The following SYNE2 variants were observed in gnomAD, a reference collection of about 807,000 sequenced individuals.
The protein encoded by SYNE2 is spectrin repeat containing nuclear envelope protein 2.
In SYNE2, 431 loss-of-function variants were observed where a neutral mutation model predicts 856.3. The ratio of observed to expected loss-of-function variants is 0.50; its 90% confidence interval spans 0.47 to 0.55. The LOEUF is 0.55. Ranked by LOEUF, SYNE2 falls within the 20% of genes least tolerant of loss-of-function variation. The pLI is 0.00. For missense variants in SYNE2, 8,129 were observed against 8,023.2 expected, an observed-to-expected ratio of 1.01 and a Z score of -0.50; for synonymous variants, 2,923 against 2,872.3, an observed-to-expected ratio of 1.02 and a Z score of -0.56.
rs759117056 is a variant in SYNE2, at chr14:64,052,911, A to G, written c.8998A>G (p.Lys3000Glu). Reference sequence around the variant, plus strand: ...TAAGTGTTGCATCTTACAGGTATTGAAACTTAAAAAAGTGTTTGACTATAT... The same window carrying G: ...TAAGTGTTGCATCTTACAGGTATTGGAACTTAAAAAAGTGTTTGACTATAT... The part of the protein sequence containing the change: ...AIKCCILQVL[K>E]LKKVFDYIGL... Residue 3000 changes from lysine to glutamate, a missense_variant, in exon 48 of 116, where the codon AAA becomes GAA. Physicochemically the swap from Lys to Glu is moderately conservative, Grantham distance 56. Transcript: ENST00000555002. The G allele has an allele frequency of 2.5e-6, 4 of 1,613,268 alleles. No homozygotes were observed. Among genetic ancestry groups the G allele is most frequent in the South Asian group, 1.1e-5 (1 of 90,642 alleles).
chr14:64,055,888 C>T, intron 48 of SYNE2, 56 bp from the exon 49 acceptor site: 2 of 1,413,300 alleles, frequency 1.4e-6, no homozygotes, highest in Non-Finnish European at 2.0e-6. Context: ...TTAAGAATGA[C>T]AGGAATTCCA....
Position 63,995,187 on chromosome 14 carries a change from C to T in SYNE2, c.2925C>T (p.Leu975=), listed in dbSNP as rs768605641. 2 of 1,606,948 alleles carry T rather than the reference C, an allele frequency of 1.2e-6. No individual in the cohort carries two copies. Among genetic ancestry groups the T allele is most frequent in the Admixed American group, 3.4e-5 (2 of 59,552 alleles). Residue 975 remains leucine, a synonymous_variant, in exon 23 of 116, where the codon CTC becomes CTT. Transcript: ENST00000555002. The part of the protein sequence containing the change: ...KLIRRGRTKG[L]IKEHEACFSE... The stretch of plus-strand genomic sequence containing the variant: ...TCCGTAGAGGAAGGACCAAGGGTCT[C>T]ATCAAAGAACATGAGGTACAATAAA...
chr14:63,955,246 G>C (rs2096226944), intron 8 of SYNE2, among the ~76,000 whole-genome samples: 1 of 152,018 alleles, frequency 6.6e-6, no homozygotes, highest in Non-Finnish European at 1.5e-5. Flanking sequence ...GTTTCTCTGA[G>C]TCTTGAATTA....
chr14:64,215,984 C>T (rs964132827), intron 107 of SYNE2: 19 of 1,402,844 alleles, frequency 1.4e-5, no homozygotes, highest in African/African-American at 7.2e-5. Context: ...CCCTACCACT[C>T]GAGACCCTGG....
chr14:64,141,237 C>G (rs113259397), intron 80 of SYNE2, 104 bp from the exon 81 acceptor site: 3 of 881,622 alleles, frequency 3.4e-6, no homozygotes, highest in Non-Finnish European at 3.5e-6. Context: ...TATACACATT[C>G]GTATATTTAC....
chr14:64,190,747 C>T, intron 99 of SYNE2: 1 of 660,030 alleles, frequency 1.5e-6, no homozygotes, highest in Non-Finnish European at 2.7e-6. Context: ...GGTGTCTTGT[C>T]CTAGGATGTG....
intron 14 of SYNE2, among the ~76,000 whole-genome samples, 164 bp downstream of exon 14, chr14:63,979,178 G>A (rs1202709233): frequency 6.6e-6 from 1 of 152,172 alleles, no homozygotes; most frequent in Non-Finnish European, 1.5e-5. Flanking sequence ...ATTACAGGGA[G>A]TCAACCAGCA....
chr14:63,828,678 C>T (rs1330760560), intron 1 of SYNE2, among the ~76,000 whole-genome samples: 1 of 151,864 alleles, frequency 6.6e-6, no homozygotes, highest in Non-Finnish European at 1.5e-5. Context: ...TTGCAGTGAG[C>T]CAAGATCATG....
chr14:63,948,720 G>GTC (rs2096078988), intron 6 of SYNE2, among the ~76,000 whole-genome samples: 1 of 70,144 alleles, frequency 1.4e-5, no homozygotes, highest in East Asian at 3.5e-4. Flanking sequence ...ATATATATGT[G>GTC]TGTATATATA....
At chr14:63,942,215 T>A in intron 6 of SYNE2, 72 bp downstream of exon 6, 1 of 923,626 alleles carries the variant, frequency 1.1e-6, no homozygotes, top group Non-Finnish European at 1.7e-6. Flanking sequence ...GCAATAAGTG[T>A]GAGTGGACTA....
intron 43 of SYNE2, among the ~76,000 whole-genome samples, chr14:64,028,156 T>C (rs2096996557): frequency 6.6e-6 from 1 of 151,918 alleles, no homozygotes; most frequent in Non-Finnish European, 1.5e-5. Flanking sequence ...CCTCCCGCCT[T>C]GGCCTCCCAA....
chr14:63,894,457 G>A (rs2095210691), intron 1 of SYNE2, among the ~76,000 whole-genome samples: 1 of 152,146 alleles, frequency 6.6e-6, no homozygotes, highest in East Asian at 1.9e-4. Flanking sequence ...CCTGGCCTCA[G>A]GGGATCCTCC....
At position 64,113,408 on chromosome 14, in the gene SYNE2, G is replaced by C. The variant is rs1438891943; in HGVS notation, c.12677G>C (p.Arg4226Thr). The change falls in exon 66 of 116, where the codon AGG becomes ACG. Residue 4226 changes from arginine to threonine, a missense_variant. Physicochemically the swap from Arg to Thr is moderately conservative, Grantham distance 71. This residue lies in a region of SYNE2 where 5,410 missense variants were observed against 5,284.8 expected (regional missense o/e 1.02). Transcript: ENST00000555002. ...GACGCGCAAGGAGGTTTGGAGCCCA[G>C]GGTGGAGAAAACTAGGCCGGAGCCC... is the stretch of plus-strand genomic sequence containing the variant. ...SSDAQGGLEP[R>T]VEKTRPEPTE... 1 of 1,614,184 alleles carries C rather than the reference G, an allele frequency of 6.2e-7. No individual in the cohort carries two copies. Among genetic ancestry groups the C allele is most frequent in the Middle Eastern group, 1.7e-4 (1 of 6,052 alleles).
At chr14:64,160,725 G>A (rs888408951) in intron 87 of SYNE2, among the ~76,000 whole-genome samples, 23 of 152,262 alleles carry the variant, frequency 1.5e-4, no homozygotes, top group African/African-American at 5.3e-4. Context: ...CTTTCAGAAA[G>A]GAGATTGACC....
At chr14:63,971,782 G>C (rs1391406248) in intron 11 of SYNE2, among the ~76,000 whole-genome samples, 3 of 151,780 alleles carry the variant, frequency 2.0e-5, no homozygotes, top group Admixed American at 6.6e-5. Context: ...AATTCACCTA[G>C]TTTTCTTTGA....
chr14:63,933,836 A>G (rs2095796263), intron 2 of SYNE2, among the ~76,000 whole-genome samples: 1 of 152,210 alleles, frequency 6.6e-6, no homozygotes, highest in Non-Finnish European at 1.5e-5. Flanking sequence ...AGTTGCTATA[A>G]GCACGTGGCT....
chr14:63,914,834 G>A (rs1300592083), intron 2 of SYNE2, among the ~76,000 whole-genome samples: 2 of 152,208 alleles, frequency 1.3e-5, no homozygotes, highest in African/African-American at 4.8e-5. Flanking sequence ...CTGGAGTGCA[G>A]TGGTGCGATC....
At chr14:64,209,674 C>T in intron 102 of SYNE2, 96 bp downstream of exon 102, 1 of 1,549,982 alleles carries the variant, frequency 6.5e-7, no homozygotes, top group Admixed American at 1.8e-5. Context: ...GCCAGCTTCC[C>T]CTCACCTCTG....
rs1595014495 is a variant in SYNE2 at position 64,034,657 on chromosome 14, C to T, written c.7221+3300C>T. ...TAATATTGGAAATGTTCAGGCAGACCTAGAAACAAAAGAAGTTGCAAAATT... is the reference window on the plus strand; with the variant it reads ...TAATATTGGAAATGTTCAGGCAGACTTAGAAACAAAAGAAGTTGCAAAATT... On this transcript the variant is annotated intron_variant, in intron 45 of 115. Coordinates refer to ENST00000555002, the MANE Select transcript of SYNE2 (RefSeq NM_182914.3). The T allele has an allele frequency of 8.9e-6, 4 of 451,834 alleles. No homozygotes were observed. In the East Asian group the frequency reaches 1.3e-4, roughly 15 times the overall value. 28.0% of individuals were successfully genotyped at this position (451,834 alleles called of 1,614,324 possible). A position where few individuals can be genotyped will look rare whatever the true frequency, so the allele number is the denominator to read the frequency against.
Sources: allele counts gnomAD v4.1 joint callset (sites outside exome capture counted in the v4.1 genomes callset), GRCh38; gene constraint gnomAD v4.1.1; regional missense constraint gnomAD v4.1.1; transcripts MANE v1.5; gene names NCBI Gene and HGNC (gene_info 2026-07-23, HGNC 2026-07-21).